The following ASZ1 variants were observed in gnomAD, a reference collection of about 807,000 sequenced individuals.
ASZ1 encodes ankyrin repeat, SAM and basic leucine zipper domain-containing protein 1.
In ASZ1, 67 loss-of-function variants were observed where a neutral mutation model predicts 61.8. The ratio of observed to expected loss-of-function variants is 1.08; its 90% CI spans 0.89 to 1.33. The LOEUF is 1.33. Ranked by LOEUF, ASZ1 falls within the 40% of genes most tolerant of loss-of-function variation. The pLI, the probability that ASZ1 is intolerant of heterozygous loss-of-function variation, is 0.00. For synonymous variants in ASZ1, 193 were observed against 192.7 expected, an observed-to-expected ratio of 1.00 and a Z score of -0.01; for missense variants, 577 against 554.5, an observed-to-expected ratio of 1.04 and a Z score of -0.41.
At chr7:117,419,300 T>C (rs1472644199) in intron 4 of ASZ1, among the ~76,000 whole-genome samples, 1 of 152,180 alleles carries the variant, frequency 6.6e-6, no homozygotes, top group African/African-American at 2.4e-5. Context: ...AAATATTATT[T>C]TTTTAAATCT....
At chr7:117,413,100 A>C (rs567508406) in intron 4 of ASZ1, among the ~76,000 whole-genome samples, 33 of 152,044 alleles carry the variant, frequency 2.2e-4, no homozygotes, top group Non-Finnish European at 2.7e-4. Context: ...AGAAAAAAAA[A>C]CCCAAATCCA....
intron 11 of ASZ1, 77 bp from the exon 12 acceptor site, chr7:117,367,542 A>G: frequency 8.1e-7 from 1 of 1,241,590 alleles, no homozygotes; most frequent in Non-Finnish European, 1.0e-6. Flanking sequence ...AAGATTATAC[A>G]ACATTCTTAA....
At chr7:117,367,051 G>C (rs1447577260) in intron 12 of ASZ1, among the ~76,000 whole-genome samples, 2 of 152,114 alleles carry the variant, frequency 1.3e-5, no homozygotes, top group Non-Finnish European at 1.5e-5. Flanking sequence ...GTTTTTGAAA[G>C]GGCTTGTGTT....
chr7:117,369,992 C>A, intron 10 of ASZ1, among the ~76,000 whole-genome samples: 1 of 152,054 alleles, frequency 6.6e-6, no homozygotes, highest in East Asian at 1.9e-4. Context: ...AGGATTGTGC[C>A]TAGTACATAG....
intron 4 of ASZ1, among the ~76,000 whole-genome samples, chr7:117,398,124 GATCTTTTT>G: frequency 6.6e-6 from 1 of 152,186 alleles, no homozygotes; most frequent in Non-Finnish European, 1.5e-5. Context: ...AGTATTATCT[GATCTTTTT>G]TAATCTGCTT....
chr7:117,405,330 A>G (rs923722037), intron 4 of ASZ1, among the ~76,000 whole-genome samples: 1 of 152,240 alleles, frequency 6.6e-6, no homozygotes, highest in African/African-American at 2.4e-5. Flanking sequence ...TTTTAGTCTG[A>G]GCTAACTAAG....
At chr7:117,393,978 T>C (rs1796528661) in intron 4 of ASZ1, among the ~76,000 whole-genome samples, 1 of 152,220 alleles carries the variant, frequency 6.6e-6, no homozygotes, top group African/African-American at 2.4e-5. Flanking sequence ...TAAATAACTA[T>C]ACATAGTTTC....
chr7:117,367,827 C>CA, intron 11 of ASZ1: 1 of 989,120 alleles, frequency 1.0e-6, no homozygotes, highest in Non-Finnish European at 1.2e-6. Flanking sequence ...TTCACTAAGA[C>CA]AAACAGCTAA....
chr7:117,420,796 C>G (rs1006587104), intron 3 of ASZ1, among the ~76,000 whole-genome samples: 14 of 152,282 alleles, frequency 9.2e-5, no homozygotes, highest in African/African-American at 3.1e-4. Flanking sequence ...CTCTTCTTCC[C>G]TTGGCTCTCA....
chr7:117,376,208 C>T (rs1796133827), intron 10 of ASZ1, among the ~76,000 whole-genome samples: 1 of 152,000 alleles, frequency 6.6e-6, no homozygotes, highest in South Asian at 2.1e-4. Context: ...AAAAAATGAA[C>T]CAAGTCCTTG....
intron 8 of ASZ1, 120 bp from the exon 9 acceptor site, chr7:117,381,187 G>A: frequency 1.3e-6 from 1 of 781,832 alleles, no homozygotes; most frequent in Non-Finnish European, 2.1e-6. Context: ...ATTTTCTAGA[G>A]GGGACAGGAT....
intron 4 of ASZ1, among the ~76,000 whole-genome samples, chr7:117,418,058 C>G (rs1167484001): frequency 6.6e-6 from 1 of 152,138 alleles, no homozygotes; most frequent in East Asian, 1.9e-4. Context: ...AAAGAATAGT[C>G]TAGAACCTAT....
chr7:117,393,975 C>T (rs1295201154), intron 4 of ASZ1, among the ~76,000 whole-genome samples: 1 of 152,148 alleles, frequency 6.6e-6, no homozygotes, highest in Non-Finnish European at 1.5e-5. Flanking sequence ...TAATAAATAA[C>T]TATACATAGT....
intron 2 of ASZ1, 54 bp downstream of exon 2, chr7:117,426,782 T>C (rs1797225309): frequency 1.9e-5 from 28 of 1,436,892 alleles, no homozygotes; most frequent in Non-Finnish European, 2.6e-5. Flanking sequence ...AAATAAAGAA[T>C]CCTTGCGAAC....
intron 4 of ASZ1, among the ~76,000 whole-genome samples, chr7:117,411,133 C>T (rs1796881611): frequency 6.6e-6 from 1 of 151,768 alleles, no homozygotes; most frequent in African/African-American, 2.4e-5. Flanking sequence ...AAGAGCTTTT[C>T]ATCAACTGGC....
At chr7:117,367,284 T>G in intron 12 of ASZ1, 68 bp downstream of exon 12, 1 of 1,198,530 alleles carries the variant, frequency 8.3e-7, no homozygotes, top group Non-Finnish European at 1.1e-6. Flanking sequence ...ACTGCTTCAT[T>G]GTCTAACACC....
intron 2 of ASZ1, 78 bp downstream of exon 2, chr7:117,426,758 C>A (rs948494587): frequency 3.4e-5 from 43 of 1,280,078 alleles, no homozygotes; most frequent in Non-Finnish European, 4.3e-5. Context: ...AGAAAAGCAA[C>A]ATAAACCTTT....
intron 10 of ASZ1, among the ~76,000 whole-genome samples, chr7:117,377,408 G>C (rs2116459896): frequency 6.6e-6 from 1 of 151,968 alleles, no homozygotes; most frequent in South Asian, 2.1e-4. Flanking sequence ...CATGCCCATG[G>C]TCTCACCTAC....
intron 12 of ASZ1, among the ~76,000 whole-genome samples, chr7:117,365,778 G>A (rs1046487472): frequency 1.3e-5 from 2 of 152,180 alleles, no homozygotes; most frequent in Non-Finnish European, 2.9e-5. Context: ...ACATATAGCA[G>A]GCAGTCTTAT....
Sources: allele counts gnomAD v4.1 joint callset (sites outside exome capture counted in the v4.1 genomes callset), GRCh38; gene constraint gnomAD v4.1.1; transcripts MANE v1.5; gene names NCBI Gene and HGNC (gene_info 2026-07-23, HGNC 2026-07-21).